The following KCTD16 variants were observed in gnomAD, a reference collection of about 807,000 sequenced individuals.
The protein encoded by KCTD16 is potassium channel tetramerization domain containing 16.
KCTD16 carries 13 observed loss-of-function variants against 33.2 expected under a neutral mutation model. The ratio of observed to expected loss-of-function variants is 0.39; its 90% CI spans 0.25 to 0.62. The LOEUF is 0.62. Among genes scored for constraint, KCTD16 ranks in the 20% least tolerant of loss-of-function variants. KCTD16 has a pLI of 0.50. For synonymous variants in KCTD16, 197 were observed against 195.3 expected (o/e 1.01, Z -0.07); for missense variants, 441 against 525.1 (o/e 0.84, Z 1.57).
chr5:144,463,674 C>T (rs1222354691), intron 3 of KCTD16, among the ~76,000 whole-genome samples: 3 of 152,180 alleles, frequency 2.0e-5, no homozygotes, highest in Admixed American at 6.5e-5. Context: ...ATCACAGCTC[C>T]ACTTCTTAAA....
At chr5:144,342,564 C>A (rs1752675090) in intron 3 of KCTD16, among the ~76,000 whole-genome samples, 1 of 152,166 alleles carries the variant, frequency 6.6e-6, no homozygotes, top group South Asian at 2.1e-4. Context: ...ACTGAATACC[C>A]TTTATTTCCT....
At chr5:144,334,938 G>A (rs1442142821) in intron 3 of KCTD16, among the ~76,000 whole-genome samples, 1 of 151,878 alleles carries the variant, frequency 6.6e-6, no homozygotes, top group African/African-American at 2.4e-5. Context: ...TACCACACCT[G>A]GCTAATTTTT....
At chr5:144,330,877 G>A (rs1304094773) in intron 3 of KCTD16, among the ~76,000 whole-genome samples, 2 of 152,156 alleles carry the variant, frequency 1.3e-5, no homozygotes, top group East Asian at 3.8e-4. Flanking sequence ...CTCTGCTGCT[G>A]ATGGTCTGGG....
chr5:144,322,727 T>TTA (rs879785984), intron 3 of KCTD16, among the ~76,000 whole-genome samples: 20 of 134,642 alleles, frequency 1.5e-4, no homozygotes, highest in African/African-American at 4.5e-4. Flanking sequence ...TAAACTTTAT[T>TTA]AAAAAAAAAA....
intron 3 of KCTD16, among the ~76,000 whole-genome samples, chr5:144,315,071 T>G (rs1751869327): frequency 6.6e-6 from 1 of 152,216 alleles, no homozygotes; most frequent in Non-Finnish European, 1.5e-5. Flanking sequence ...CTTTGGGCTG[T>G]CTTTCTGGGT....
At chr5:144,408,785 G>A (rs1269234798) in intron 3 of KCTD16, among the ~76,000 whole-genome samples, 1 of 152,046 alleles carries the variant, frequency 6.6e-6, no homozygotes, top group East Asian at 1.9e-4. Flanking sequence ...CTATACTCCT[G>A]TTATTATCAC....
chr5:144,414,924 T>C (rs908344939), intron 3 of KCTD16, among the ~76,000 whole-genome samples: 1 of 152,212 alleles, frequency 6.6e-6, no homozygotes, highest in African/African-American at 2.4e-5. Context: ...CACTCCTTTT[T>C]AGCTGATCCT....
chr5:144,407,370 A>T (rs1456684004), intron 3 of KCTD16, among the ~76,000 whole-genome samples: 1 of 146,078 alleles, frequency 6.8e-6, no homozygotes, highest in Non-Finnish European at 1.5e-5. Context: ...GAGTGACTGT[A>T]TTTTTTTTTT....
At chr5:144,372,815 C>T (rs1751998970) in intron 3 of KCTD16, among the ~76,000 whole-genome samples, 1 of 152,162 alleles carries the variant, frequency 6.6e-6, no homozygotes, top group Non-Finnish European at 1.5e-5. Context: ...AATACCATGG[C>T]AGGCCCTTTG....
At chr5:144,438,220 A>G (rs1434104937) in intron 3 of KCTD16, among the ~76,000 whole-genome samples, 2 of 152,218 alleles carry the variant, frequency 1.3e-5, no homozygotes, top group Non-Finnish European at 2.9e-5. Flanking sequence ...GTAAGTCTGG[A>G]AACAGTACAA....
chr5:144,385,471 A>C (rs998888487), intron 3 of KCTD16, among the ~76,000 whole-genome samples: 4 of 152,046 alleles, frequency 2.6e-5, no homozygotes, highest in African/African-American at 7.2e-5. Context: ...TGGTTTCTTC[A>C]TTGACAGTGG....
chr5:144,310,471 C>T (rs758502523), intron 3 of KCTD16, among the ~76,000 whole-genome samples: 1 of 94,482 alleles, frequency 1.1e-5, no homozygotes, highest in African/African-American at 3.0e-5. Flanking sequence ...TTTGAAAACT[C>T]TCCACACTGT....
chr5:144,188,358 G>C (rs1326130531), intron 2 of KCTD16, among the ~76,000 whole-genome samples: 1 of 152,156 alleles, frequency 6.6e-6, no homozygotes, highest in East Asian at 1.9e-4. Flanking sequence ...TGTCTGTCAA[G>C]AGAAAGTACA....
At chr5:144,457,405 G>C (rs1223660511) in intron 3 of KCTD16, among the ~76,000 whole-genome samples, 1 of 152,206 alleles carries the variant, frequency 6.6e-6, no homozygotes, top group East Asian at 1.9e-4. Context: ...TAGAAATGAA[G>C]AGAAGCCCTG....
At chr5:144,245,133 T>C (rs1754513959) in intron 3 of KCTD16, among the ~76,000 whole-genome samples, 1 of 152,234 alleles carries the variant, frequency 6.6e-6, no homozygotes, top group African/African-American at 2.4e-5. Flanking sequence ...ATATCTTCAA[T>C]GGACCTGCTA....
intron 3 of KCTD16, among the ~76,000 whole-genome samples, chr5:144,436,248 T>C (rs963117510): frequency 6.6e-6 from 1 of 152,168 alleles, no homozygotes; most frequent in African/African-American, 2.4e-5. Context: ...TAGTGGCAGA[T>C]GGGATTGACT....
At chr5:144,381,241 T>G (rs997628937) in intron 3 of KCTD16, among the ~76,000 whole-genome samples, 8 of 151,944 alleles carry the variant, frequency 5.3e-5, no homozygotes, top group Admixed American at 3.9e-4. Context: ...AAAACCACAA[T>G]GAGATACCGT....
chr5:144,357,861 C>G (rs1751607379), intron 3 of KCTD16, among the ~76,000 whole-genome samples: 1 of 152,066 alleles, frequency 6.6e-6, no homozygotes, highest in Non-Finnish European at 1.5e-5. Context: ...AAAGTGTGCT[C>G]CAAGAACACC....
chr5:144,445,327 T>C (rs1238279686), intron 3 of KCTD16, among the ~76,000 whole-genome samples: 1 of 152,098 alleles, frequency 6.6e-6, no homozygotes, highest in African/African-American at 2.4e-5. Context: ...TGTGTTGCTC[T>C]TCCATGTTTT....
Sources: allele counts gnomAD v4.1 joint callset (sites outside exome capture counted in the v4.1 genomes callset), GRCh38; gene constraint gnomAD v4.1.1; transcripts MANE v1.5; gene names NCBI Gene and HGNC (gene_info 2026-07-23, HGNC 2026-07-21).